The following AACS variants were observed in gnomAD, a reference collection of about 807,000 sequenced individuals.
AACS encodes acetoacetyl-CoA synthetase.
AACS carries 69 observed loss-of-function variants against 83.1 expected under a neutral mutation model. The observed-to-expected ratio is 0.83, with a 90% CI of 0.68 to 1.01. The LOEUF (loss-of-function observed/expected upper bound fraction) is 1.01. AACS is among the 50% of genes least tolerant of loss of function. AACS has a pLI of 0.00. For synonymous variants in AACS, 333 were observed against 343.4 expected (o/e 0.97, Z 0.33); for missense variants, 866 against 882.2 (o/e 0.98, Z 0.23).
intron 8 of AACS, 54 bp from the exon 9 acceptor site, chr12:125,114,423 C>A: frequency 1.4e-6 from 2 of 1,474,302 alleles, no homozygotes; most frequent in Non-Finnish European, 1.9e-6. Flanking sequence ...GTACCAGATT[C>A]CTGGTACTGT....
chr12:125,084,541 C>T (rs1483862363), intron 3 of AACS, among the ~76,000 whole-genome samples: 1 of 151,552 alleles, frequency 6.6e-6, no homozygotes, highest in African/African-American at 2.4e-5. Flanking sequence ...GCAGCTAGGG[C>T]TACAGGTATA....
rs756780588 is a variant in AACS, at chr12:125,065,725, T to C, written c.133+8T>C. 2.6e-5 allele frequency: 40 copies of C among 1,522,326 alleles called. No individual in the cohort carries two copies. Among genetic ancestry groups the C allele is most frequent in the Non-Finnish European group, 3.5e-5 (40 of 1,135,590 alleles). The allele number at this position is 1,522,326 out of a possible 1,614,324, so 94.3% of individuals were successfully genotyped here. A position where few individuals can be genotyped will look rare whatever the true frequency, so the allele number is the denominator to read the frequency against. ...CCTGCGGCCTGGCGCTGGGTGAGAG[T>C]CGGGCGCGCGGCCGGGCCTGCGGGG... On this transcript the variant is annotated splice_region_variant and intron_variant, in intron 1 of 17. Transcript: ENST00000316519.
chr12:125,093,323 C>T (rs1490790100), intron 5 of AACS, among the ~76,000 whole-genome samples: 4 of 152,150 alleles, frequency 2.6e-5, no homozygotes, highest in Admixed American at 2.6e-4. Context: ...TTGTCTGAGG[C>T]CAGGGGGTGG....
chr12:125,137,647 G>A (rs1015071568), intron 17 of AACS, among the ~76,000 whole-genome samples: 2 of 152,190 alleles, frequency 1.3e-5, no homozygotes, highest in African/African-American at 4.8e-5. Context: ...GATTCTAAGT[G>A]GGGGAGGAGG....
chr12:125,124,587 G>A (rs1957214185), intron 10 of AACS, 118 bp from the exon 11 acceptor site: 1 of 1,228,728 alleles, frequency 8.1e-7, no homozygotes, highest in Admixed American at 2.1e-5. Context: ...GTTCAACCCA[G>A]AAAACTGCTC....
intron 7 of AACS, among the ~76,000 whole-genome samples, chr12:125,106,884 C>G (rs1462074783): frequency 6.6e-6 from 1 of 152,198 alleles, no homozygotes; most frequent in African/African-American, 2.4e-5. Context: ...GTCAGCAGTG[C>G]TGATTAAGCA....
At position 125,074,050 on chromosome 12, in the gene AACS, G is replaced by A. The variant is rs1459003915; in HGVS notation, c.237+71G>A. 2.3e-6 allele frequency: 3 copies of A among 1,287,652 alleles called. No individual in the cohort carries two copies. The African/African-American group carries it at 4.4e-5, about 19-fold the overall frequency. 79.8% of individuals were successfully genotyped at this position (1,287,652 alleles called of 1,614,324 possible). ...CTTCAAAGTGAAATGCTAATTTTGG[G>A]GAATACTGAATTGTATCTCCTTTTT... is the stretch of plus-strand genomic sequence containing the variant. On this transcript the variant is annotated intron_variant, in intron 2 of 17. Transcript: ENST00000316519.
chr12:125,072,393 C>A (rs1955893671), intron 1 of AACS, among the ~76,000 whole-genome samples: 1 of 152,196 alleles, frequency 6.6e-6, no homozygotes, highest in Non-Finnish European at 1.5e-5. Flanking sequence ...TTCTTGTCTT[C>A]CCCACCGGGG....
intron 2 of AACS, among the ~76,000 whole-genome samples, chr12:125,076,080 C>T (rs916667953): frequency 1.6e-4 from 24 of 152,156 alleles, no homozygotes; most frequent in African/African-American, 5.8e-4. Context: ...TTCCAGCACT[C>T]CAAGGAAGGA....
chr12:125,135,716 G>A (rs1272358508), intron 16 of AACS: 4 of 152,356 alleles, frequency 2.6e-5, no homozygotes, highest in African/African-American at 9.7e-5. Flanking sequence ...CACTCCAGTG[G>A]AGTCCCCACC....
chr12:125,138,595 A>C (rs1180703260), intron 17 of AACS: 1 of 152,142 alleles, frequency 6.6e-6, no homozygotes, highest in Non-Finnish European at 1.5e-5. Context: ...TTTGATCACG[A>C]GAGTAGTGGA....
At chr12:125,091,655 G>T (rs1388074368) in intron 5 of AACS, 132 bp downstream of exon 5, 4 of 853,758 alleles carry the variant, frequency 4.7e-6, no homozygotes, top group South Asian at 1.4e-5. Flanking sequence ...CGTTGCAGCT[G>T]CCTCTATGGG....
chr12:125,080,359 A>T (rs1315048006), intron 3 of AACS, among the ~76,000 whole-genome samples: 1 of 152,152 alleles, frequency 6.6e-6, no homozygotes. Flanking sequence ...CTAAAAATCT[A>T]AACCCAAAAC....
chr12:125,110,511 C>T (rs1009682480), intron 8 of AACS, among the ~76,000 whole-genome samples: 2 of 152,164 alleles, frequency 1.3e-5, no homozygotes, highest in East Asian at 1.9e-4. Context: ...AGGATGCTTG[C>T]GACGCCGTGG....
At chr12:125,087,288 C>G (rs1440198075) in intron 4 of AACS, among the ~76,000 whole-genome samples, 1 of 152,204 alleles carries the variant, frequency 6.6e-6, no homozygotes, top group Admixed American at 6.5e-5. Flanking sequence ...CACTCTGGGC[C>G]GGGGCTCTCC....
rs191450717 is a variant in AACS, at chr12:125,087,776, G to A, written c.472+1333G>A. On this transcript the variant is annotated intron_variant, in intron 4 of 17. Coordinates refer to ENST00000316519, the MANE Select transcript of AACS (RefSeq NM_023928.5). Reference sequence around the variant, plus strand: ...CTGGACCAAGAATCCTGTGCGCCAGGCCCCACTACCCTGCCCCGCCTCCCC... The same window carrying A: ...CTGGACCAAGAATCCTGTGCGCCAGACCCCACTACCCTGCCCCGCCTCCCC... Among the ~76,000 whole-genome samples, 133 of 152,276 alleles carry A rather than the reference G, an allele frequency of 8.7e-4. 1 individual carries two copies. Among genetic ancestry groups the A allele is most frequent in the African/African-American group, 3.1e-3 (128 of 41,560 alleles).
At chr12:125,121,724 T>A (rs1307832831) in intron 10 of AACS, 1 of 152,268 alleles carries the variant, frequency 6.6e-6, no homozygotes, top group Non-Finnish European at 1.5e-5. Flanking sequence ...GTTTTGCCCG[T>A]CTCTGAATGG....
At chr12:125,066,178 G>C (rs1394643213) in intron 1 of AACS, among the ~76,000 whole-genome samples, 2 of 152,128 alleles carry the variant, frequency 1.3e-5, no homozygotes, top group Admixed American at 6.5e-5. Flanking sequence ...CTCATCTCCA[G>C]CTGCCCCTGC....
chr12:125,116,247 G>A (rs1226260265), intron 9 of AACS, among the ~76,000 whole-genome samples: 1 of 152,136 alleles, frequency 6.6e-6, no homozygotes, highest in Non-Finnish European at 1.5e-5. Flanking sequence ...CAGCTACGAT[G>A]ATGCAGGATT....
Sources: allele counts gnomAD v4.1 joint callset (sites outside exome capture counted in the v4.1 genomes callset), GRCh38; gene constraint gnomAD v4.1.1; transcripts MANE v1.5; gene names NCBI Gene and HGNC (gene_info 2026-07-23, HGNC 2026-07-21).